Variants in STK3 observed in about 807,000 individuals in gnomAD.
STK3 encodes the protein serine/threonine-protein kinase 3.
Under a neutral mutation model 58.0 loss-of-function variants are expected in STK3, and 41 were observed. The observed-to-expected ratio is 0.71, with a 90% CI of 0.55 to 0.92. The LOEUF (loss-of-function observed/expected upper bound fraction) is 0.92, where lower values mean the gene tolerates loss of function less well. Among genes scored for constraint, STK3 ranks in the 40% least tolerant of loss-of-function variants. STK3 has a pLI of 0.00. For synonymous variants in STK3, 170 were observed against 191.0 expected, an observed-to-expected ratio of 0.89 and a Z score of 0.91; for missense variants, 479 against 602.7, an observed-to-expected ratio of 0.79 and a Z score of 2.15.
chr8:98,828,799 C>T (rs1304185447), upstream of STK3, among the ~76,000 whole-genome samples: 3 of 152,156 alleles, frequency 2.0e-5, no homozygotes, highest in Non-Finnish European at 2.9e-5. Context: ...CCGTAGTACC[C>T]TGTGTTGGCT....
Position 98,710,268 on chromosome 8 carries a change from T to C in STK3, c.352-2957A>G, listed in dbSNP as rs1247884780. ...TTCCAACTGAGGTACCAGATTCATC[T>C]CACTGGGGAGTATCGGAAAGTGGGT... On this transcript the variant is annotated intron_variant, in intron 4 of 10. Transcript: ENST00000419617. Among the ~76,000 whole-genome samples the C allele has an allele frequency of 2.0e-5, 3 of 152,250 alleles. No individual in the cohort carries two copies. The East Asian group carries it at 5.8e-4, about 29-fold the overall frequency.
At chr8:98,734,446 T>C (rs1481782983) in intron 4 of STK3, among the ~76,000 whole-genome samples, 2 of 152,140 alleles carry the variant, frequency 1.3e-5, no homozygotes, top group African/African-American at 2.4e-5. Flanking sequence ...TGAAAACAAG[T>C]AGTCAAATCA....
At chr8:98,412,376 C>A (rs1044880209) in intron 3 of STK3, among the ~76,000 whole-genome samples, 1 of 152,222 alleles carries the variant, frequency 6.6e-6, no homozygotes, top group Non-Finnish European at 1.5e-5. Context: ...CTGCATACCA[C>A]CCCTGAAACC....
At chr8:98,446,059 G>C (rs2131107089) in intron 1 of STK3, among the ~76,000 whole-genome samples, 1 of 152,336 alleles carries the variant, frequency 6.6e-6, no homozygotes, top group South Asian at 2.1e-4. Flanking sequence ...ATTGTGTAAT[G>C]AACTTTCTCA....
chr8:98,507,982 C>A (rs1022974943), intron 10 of STK3, among the ~76,000 whole-genome samples: 5 of 152,110 alleles, frequency 3.3e-5, no homozygotes, highest in African/African-American at 1.2e-4. Flanking sequence ...CTCCAAAGTA[C>A]TTATCGTCTT....
intron 1 of STK3, among the ~76,000 whole-genome samples, chr8:98,793,739 T>C (rs1044670056): frequency 1.3e-5 from 2 of 152,146 alleles, no homozygotes; most frequent in Admixed American, 1.3e-4. Context: ...CCACTGAAGA[T>C]ACACTGTTCT....
intron 1 of STK3, among the ~76,000 whole-genome samples, chr8:98,886,354 C>T (rs905007734): frequency 2.0e-5 from 3 of 152,182 alleles, no homozygotes; most frequent in African/African-American, 7.2e-5. Flanking sequence ...ACAGGTTGAG[C>T]AATCCTAATC....
intron 8 of STK3, among the ~76,000 whole-genome samples, chr8:98,569,520 G>C: frequency 6.6e-6 from 1 of 151,866 alleles, no homozygotes; most frequent in East Asian, 1.9e-4. Flanking sequence ...AATTGTGTTT[G>C]AACATACACA....
intron 2 of STK3, among the ~76,000 whole-genome samples, chr8:98,771,724 C>T (rs1259587501): frequency 1.3e-5 from 2 of 152,074 alleles, no homozygotes; most frequent in African/African-American, 4.8e-5. Context: ...GCCACCACGC[C>T]CGGCTAATTT....
intron 6 of STK3, among the ~76,000 whole-genome samples, chr8:98,607,780 T>C (rs976392055): frequency 1.3e-5 from 2 of 152,210 alleles, no homozygotes; most frequent in African/African-American, 4.8e-5. Flanking sequence ...ATGAATCAAC[T>C]GAACCTATGA....
chr8:98,407,751 T>A (rs866951571), intron 3 of STK3, among the ~76,000 whole-genome samples: 6 of 106,460 alleles, frequency 5.6e-5, no homozygotes, highest in Non-Finnish European at 1.3e-4. Context: ...TGTGTGTGTG[T>A]GTGTGTGCGC....
At chr8:98,730,263 T>C (rs1037790781) in intron 4 of STK3, among the ~76,000 whole-genome samples, 1 of 152,156 alleles carries the variant, frequency 6.6e-6, no homozygotes, top group Non-Finnish European at 1.5e-5. Flanking sequence ...TTCAAGAAAA[T>C]ATACAAATCA....
At chr8:98,731,331 A>T (rs13279438) in intron 4 of STK3, among the ~76,000 whole-genome samples, 46,558 of 151,786 alleles carry the variant, frequency 0.31, 7,441 homozygotes, top group Admixed American at 0.42. Flanking sequence ...TGGCTCCTTG[A>T]CCCCAGTCTG....
intron 1 of STK3, among the ~76,000 whole-genome samples, chr8:98,804,885 G>C (rs1833805563): frequency 6.6e-6 from 1 of 152,172 alleles, no homozygotes; most frequent in South Asian, 2.1e-4. Flanking sequence ...AAATTCTGAA[G>C]TGCTAAATTA....
intron 6 of STK3, chr8:98,598,690 G>T (rs1658769434): frequency 7.1e-6 from 7 of 985,224 alleles, no homozygotes; most frequent in Non-Finnish European, 8.4e-6. Context: ...TCATTCCCTT[G>T]CCACCAACCA....
At chr8:98,931,257 G>A (rs920823811) in intron 1 of STK3, among the ~76,000 whole-genome samples, 3 of 152,152 alleles carry the variant, frequency 2.0e-5, no homozygotes, top group Admixed American at 6.5e-5. Context: ...CCTTAATCTG[G>A]CAGAATTTGG....
intron 1 of STK3, among the ~76,000 whole-genome samples, chr8:98,816,337 G>C (rs1365777016): frequency 6.6e-6 from 1 of 152,046 alleles, no homozygotes; most frequent in African/African-American, 2.4e-5. Flanking sequence ...AACATGGCAA[G>C]ACCCCATGTC....
At chr8:98,908,611 C>T (rs1468291072) in intron 1 of STK3, among the ~76,000 whole-genome samples, 8 of 152,048 alleles carry the variant, frequency 5.3e-5, no homozygotes, top group Admixed American at 2.0e-4. Flanking sequence ...TTTGGGAGGC[C>T]GGGGCGGGCG....
At chr8:98,697,121 C>T (rs1825023317) in intron 6 of STK3, among the ~76,000 whole-genome samples, 1 of 152,198 alleles carries the variant, frequency 6.6e-6, no homozygotes, top group Non-Finnish European at 1.5e-5. Flanking sequence ...TCCATTTCTT[C>T]TAGATTTTCT....
Sources: allele counts gnomAD v4.1 joint callset (sites outside exome capture counted in the v4.1 genomes callset), GRCh38; gene constraint gnomAD v4.1.1; transcripts MANE v1.5; gene names NCBI Gene and HGNC (gene_info 2026-07-23, HGNC 2026-07-21).